The following NCKAP1L variants were observed in gnomAD, a reference collection of about 807,000 sequenced individuals.
The protein encoded by NCKAP1L is NCK associated protein 1 like.
A neutral mutation model predicts 139.2 loss-of-function variants in NCKAP1L; 53 were observed. The ratio of observed to expected loss-of-function variants is 0.38; its 90% CI spans 0.31 to 0.48. The LOEUF (loss-of-function observed/expected upper bound fraction) is 0.48, where lower values mean the gene tolerates loss of function less well. NCKAP1L is among the 20% of genes least tolerant of loss of function. NCKAP1L has a pLI of 0.98. For synonymous variants in NCKAP1L, 468 were observed against 499.7 expected, an observed-to-expected ratio of 0.94 and a Z score of 0.85; for missense variants, 1,151 against 1,381.9, an observed-to-expected ratio of 0.83 and a Z score of 2.65.
In NCKAP1L at chr12:54,519,106, C is replaced by G. The variant is rs1338427272; in HGVS notation, c.1480-81C>G. 7.0e-6 allele frequency: 11 copies of G among 1,567,912 alleles called. No homozygotes were observed. The Admixed American group carries it at 2.0e-4, about 29-fold the overall frequency. On this transcript the variant is annotated intron_variant, in intron 15 of 30. Transcript: ENST00000293373. The stretch of plus-strand genomic sequence containing the variant: ...AACTGCTAATTGGACAAGACATACT[C>G]AGGCCAAACTGTAATTCCAAGGCTG...
intron 26 of NCKAP1L, among the ~76,000 whole-genome samples, chr12:54,534,703 G>A (rs943370716): frequency 6.6e-6 from 1 of 152,152 alleles, no homozygotes; most frequent in Non-Finnish European, 1.5e-5. Context: ...TGGCAGCACC[G>A]AATAAAGGAA....
At chr12:54,516,364 C>T in intron 10 of NCKAP1L, 69 bp downstream of exon 10, 13 of 1,419,270 alleles carry the variant, frequency 9.2e-6, no homozygotes, top group Non-Finnish European at 1.3e-5. Context: ...TTGTTCTCAC[C>T]TAAGCCATCC....
At chr12:54,522,694 T>TA (rs1197332676) in intron 18 of NCKAP1L, among the ~76,000 whole-genome samples, 1 of 152,194 alleles carries the variant, frequency 6.6e-6, no homozygotes, top group Non-Finnish European at 1.5e-5. Flanking sequence ...GTGTGGGTCT[T>TA]ATGCTGCTCT....
In NCKAP1L at chr12:54,497,782, T is replaced by A; in HGVS notation, c.-8T>A. ...TTGCTGTCTGGTGCTCCTCTCTCAGTGGCCATCATGTCTTTGACATCTGCT... is the reference window on the plus strand; with the variant it reads ...TTGCTGTCTGGTGCTCCTCTCTCAGAGGCCATCATGTCTTTGACATCTGCT... On this transcript the variant is annotated 5_prime_UTR_variant, in exon 1 of 31. Transcript: ENST00000293373. The A allele has an allele frequency of 6.3e-7, 1 of 1,580,156 alleles. No homozygotes were observed. The highest frequency in any genetic ancestry group is 8.7e-7 in the Non-Finnish European group (1 of 1,149,292).
chr12:54,521,321 G>C, intron 18 of NCKAP1L, 83 bp downstream of exon 18: 1 of 1,564,202 alleles, frequency 6.4e-7, no homozygotes, highest in Non-Finnish European at 8.7e-7. Flanking sequence ...TTCCCTCTCA[G>C]ATGCCAAGCT....
intron 3 of NCKAP1L, among the ~76,000 whole-genome samples, chr12:54,506,944 A>G (rs1261909349): frequency 6.6e-6 from 1 of 151,044 alleles, no homozygotes; most frequent in Non-Finnish European, 1.5e-5. Flanking sequence ...GTGGTATACC[A>G]TGGGCTATTA....
At chr12:54,515,086 C>T (rs1253154632) in intron 9 of NCKAP1L, among the ~76,000 whole-genome samples, 1 of 152,166 alleles carries the variant, frequency 6.6e-6, no homozygotes, top group Admixed American at 6.5e-5. Flanking sequence ...GGCTCAGTCT[C>T]AGTGTCACTC....
At chr12:54,523,303 GACA>G in intron 18 of NCKAP1L, 88 bp from the exon 19 acceptor site, 1 of 1,410,894 alleles carries the variant, frequency 7.1e-7, no homozygotes, top group African/African-American at 1.4e-5. Flanking sequence ...TAAAATAACA[GACA>G]ACAATGGACA....
In NCKAP1L at chr12:54,517,577, C is replaced by T. The variant is rs766600921; in HGVS notation, c.1140C>T (p.Val380=). Residue 380 remains valine, a synonymous_variant, in exon 12 of 31, where the codon GTC becomes GTT. Coordinates refer to ENST00000293373, the MANE Select transcript of NCKAP1L (RefSeq NM_005337.5). ...FMALSFIRDE[V]TWLVRHTENV... is the part of the protein sequence containing the mutation. ...CCCTGTCCTTCATTCGTGATGAGGT[C>T]ACCTGGCTGGTTCGCCACACAGAGA... is the stretch of plus-strand genomic sequence containing the variant. 195 of 1,614,096 alleles carry T rather than the reference C, an allele frequency of 1.2e-4. No individual in the cohort carries two copies. The East Asian group carries it at 4.3e-3, about 36-fold the overall frequency.
At chr12:54,533,409 T>A (rs1268586504) in intron 26 of NCKAP1L, among the ~76,000 whole-genome samples, 1 of 152,178 alleles carries the variant, frequency 6.6e-6, no homozygotes, top group Non-Finnish European at 1.5e-5. Context: ...CCTTTCTTCC[T>A]CCAGAAAACC....
intron 1 of NCKAP1L, 82 bp from the exon 2 acceptor site, chr12:54,499,273 T>G: frequency 1.2e-6 from 1 of 851,878 alleles, no homozygotes; most frequent in Non-Finnish European, 2.0e-6. Context: ...TAAGACAGAT[T>G]ATGAGAATGA....
Position 54,520,715 on chromosome 12 carries a change from G to C in NCKAP1L, c.1647G>C (p.Glu549Asp). ...GCAGCTTTCATCTTCGTATCTTTGA[G>C]AAGATGTTTGCCATGACCTTGGAGG... ...STFCFHLRIF[E>D]KMFAMTLEES... is the part of the protein sequence containing the mutation. Residue 549 changes from glutamate (E) to aspartate (D), a missense_variant, in exon 17 of 31, where the codon GAG (glutamate) becomes GAC (aspartate). Physicochemically the swap from Glu to Asp is conservative, Grantham distance 45. Transcript: ENST00000293373. 1 of 1,614,066 alleles carries C rather than the reference G, an allele frequency of 6.2e-7. No homozygotes were observed. The highest frequency in any genetic ancestry group is 8.5e-7 in the Non-Finnish European group (1 of 1,180,010).
chr12:54,518,503 T>C (rs1592344205), intron 13 of NCKAP1L, 148 bp from the exon 14 acceptor site: 2 of 722,242 alleles, frequency 2.8e-6, no homozygotes. Flanking sequence ...ACCCGGAAAG[T>C]TTCCTTCATC....
chr12:54,533,726 C>T (rs537230930), intron 26 of NCKAP1L, among the ~76,000 whole-genome samples: 3 of 152,274 alleles, frequency 2.0e-5, no homozygotes, highest in South Asian at 4.1e-4. Flanking sequence ...CATGCCACCA[C>T]ACCTGGCTAA....
In NCKAP1L at chr12:54,499,339, T is replaced by C. The variant is rs1467580115; in HGVS notation, c.103-16T>C. The C allele has an allele frequency of 2.2e-6, 3 of 1,353,288 alleles. No homozygotes were observed. Among genetic ancestry groups the C allele is most frequent in the Non-Finnish European group, 1.1e-6 (1 of 942,660 alleles). 83.8% of individuals were successfully genotyped at this position (1,353,288 alleles called of 1,614,324 possible). On this transcript the variant is annotated splice_polypyrimidine_tract_variant and intron_variant, in intron 1 of 30. Transcript: ENST00000293373. ...GGAGGAGAAAGGGTTGAAATATATA[T>C]GGTTTCTCTCTGCAGACTTGTTCAG...
In NCKAP1L at chr12:54,535,040, A is replaced by G; in HGVS notation, c.2863-64A>G. On this transcript the variant is annotated intron_variant, in intron 26 of 30. Transcript: ENST00000293373. ...TGTGATCCAAAAGTCCTGGCTATGC[A>G]TTCCTTCTGTCAAGCCATTGTGTCC... 3.0e-6 allele frequency: 4 copies of G among 1,344,140 alleles called. No individual in the cohort carries two copies. The South Asian group carries it at 5.2e-5, about 18-fold the overall frequency. 83.3% of individuals were successfully genotyped at this position (1,344,140 alleles called of 1,614,324 possible).
intron 3 of NCKAP1L, among the ~76,000 whole-genome samples, chr12:54,506,796 A>AAAAAAAAAATATATATATATATATAT: frequency 2.0e-5 from 1 of 50,604 alleles, no homozygotes; most frequent in Non-Finnish European, 3.0e-5. Flanking sequence ...AAAAAAAAAA[A>AAAAAAAAAATATATATATATATATAT]ATATATATAT....
intron 2 of NCKAP1L, among the ~76,000 whole-genome samples, chr12:54,500,043 T>C (rs1237016278): frequency 6.6e-6 from 1 of 152,194 alleles, no homozygotes; most frequent in East Asian, 1.9e-4. Context: ...CAATCTCCTT[T>C]GTTTAAAGAC....
chr12:54,542,700 C>T lies in NCKAP1L; in HGVS notation c.*15C>T, dbSNP rs757739682. 5 of 1,584,404 alleles carry T rather than the reference C, an allele frequency of 3.2e-6. No homozygotes were observed. The highest frequency in any genetic ancestry group is 4.3e-6 in the Non-Finnish European group (5 of 1,153,054). Reference sequence around the variant, plus strand: ...ACCTAAACTGAATGCCTGCCAGTACCCACTGAAGAGCCCTTTGGACCTTCC... The same window carrying T: ...ACCTAAACTGAATGCCTGCCAGTACTCACTGAAGAGCCCTTTGGACCTTCC... On this transcript the variant is annotated 3_prime_UTR_variant, in exon 31 of 31. Coordinates refer to ENST00000293373, the MANE Select transcript of NCKAP1L (RefSeq NM_005337.5).
Sources: allele counts gnomAD v4.1 joint callset (sites outside exome capture counted in the v4.1 genomes callset), GRCh38; gene constraint gnomAD v4.1.1; transcripts MANE v1.5; gene names NCBI Gene and HGNC (gene_info 2026-07-23, HGNC 2026-07-21).